The following SYNPR variants were observed in gnomAD, a reference collection of about 807,000 sequenced individuals.
SYNPR encodes synaptoporin.
SYNPR carries 23 observed loss-of-function variants against 32.9 expected under a neutral mutation model. The ratio of observed to expected loss-of-function variants is 0.70; its 90% CI spans 0.50 to 0.99. The LOEUF (loss-of-function observed/expected upper bound fraction) is 0.99, where lower values mean the gene tolerates loss of function less well. SYNPR is among the 50% of genes least tolerant of loss of function. The probability of loss-of-function intolerance (pLI) is 0.00; values close to 1 mark genes in which losing one functional copy is unlikely to be tolerated. For missense variants in SYNPR, 318 were observed against 349.3 expected (o/e 0.91, Z 0.71); for synonymous variants, 146 against 135.9 (o/e 1.07, Z -0.52).
At chr3:63,342,332 T>C (rs1205711705) in intron 2 of SYNPR, among the ~76,000 whole-genome samples, 2 of 152,216 alleles carry the variant, frequency 1.3e-5, no homozygotes, top group Non-Finnish European at 2.9e-5. Context: ...CTGTAATCAT[T>C]ACTGGATTTT....
rs1286861655 is a variant in SYNPR, at chr3:63,335,145, G to C, written c.84+56403G>C. 3.3e-5 allele frequency among the ~76,000 whole-genome samples: 5 copies of C among 152,262 alleles called. No individual in the cohort carries two copies. The East Asian group carries it at 7.8e-4, about 24-fold the overall frequency. ...CGAGGCGGGTGGATCACAAGGTCGG[G>C]AGATCGAGACCATCCTGGCTAACAC... is the stretch of plus-strand genomic sequence containing the variant. On this transcript the variant is annotated intron_variant, in intron 2 of 5. Transcript: ENST00000478300.
At chr3:63,245,187 T>C (rs1298557344) in intron 1 of SYNPR, among the ~76,000 whole-genome samples, 1 of 152,084 alleles carries the variant, frequency 6.6e-6, no homozygotes, top group Non-Finnish European at 1.5e-5. Flanking sequence ...TCTGTTTTCA[T>C]TTGGAGTACA....
At chr3:63,518,894 C>G (rs1173784604) in intron 3 of SYNPR, among the ~76,000 whole-genome samples, 2 of 152,194 alleles carry the variant, frequency 1.3e-5, no homozygotes, top group African/African-American at 4.8e-5. Flanking sequence ...CATCACAGCA[C>G]TATTCAAAAT....
intron 3 of SYNPR, among the ~76,000 whole-genome samples, chr3:63,552,252 C>T (rs947928600): frequency 2.6e-5 from 4 of 152,080 alleles, no homozygotes; most frequent in African/African-American, 7.2e-5. Context: ...AAGTCAATGC[C>T]ACTTTTTTTA....
chr3:63,465,708 A>G (rs955249903), intron 2 of SYNPR, among the ~76,000 whole-genome samples: 3 of 152,146 alleles, frequency 2.0e-5, no homozygotes, highest in East Asian at 1.9e-4. Flanking sequence ...ACAAATTGCT[A>G]TGTATCTCTC....
At chr3:63,272,319 A>C (rs2086544009) in intron 3 of SYNPR, among the ~76,000 whole-genome samples, 1 of 152,166 alleles carries the variant, frequency 6.6e-6, no homozygotes, top group Non-Finnish European at 1.5e-5. Context: ...AGGTCATACA[A>C]CTAGGAAATG....
intron 2 of SYNPR, among the ~76,000 whole-genome samples, chr3:63,428,024 T>C (rs1699923260): frequency 6.6e-6 from 1 of 152,252 alleles, no homozygotes; most frequent in East Asian, 1.9e-4. Flanking sequence ...TGTCTGCTCA[T>C]TTAATTTCCT....
At chr3:63,374,436 G>C (rs1216280000) in intron 2 of SYNPR, among the ~76,000 whole-genome samples, 4 of 152,070 alleles carry the variant, frequency 2.6e-5, no homozygotes, top group African/African-American at 9.7e-5. Flanking sequence ...TATACTTGAG[G>C]GTGGAGTGTG....
At chr3:63,328,766 A>G (rs2087192704) in intron 2 of SYNPR, among the ~76,000 whole-genome samples, 1 of 152,174 alleles carries the variant, frequency 6.6e-6, no homozygotes, top group Non-Finnish European at 1.5e-5. Flanking sequence ...TACTATGGCT[A>G]AATAAACTTG....
At chr3:63,596,960 T>A (rs1417033497) in intron 4 of SYNPR, among the ~76,000 whole-genome samples, 1 of 152,138 alleles carries the variant, frequency 6.6e-6, no homozygotes, top group Non-Finnish European at 1.5e-5. Flanking sequence ...AAAATACACA[T>A]CACGTTTCAA....
chr3:63,328,902 T>A (rs556233743), intron 2 of SYNPR, among the ~76,000 whole-genome samples: 1 of 152,290 alleles, frequency 6.6e-6, no homozygotes, highest in Admixed American at 6.5e-5. Context: ...GACCGCCACA[T>A]CTCCAGCAGT....
At chr3:63,395,172 C>T (rs2107091165) in intron 2 of SYNPR, among the ~76,000 whole-genome samples, 1 of 152,194 alleles carries the variant, frequency 6.6e-6, no homozygotes, top group Admixed American at 6.5e-5. Context: ...CCATGTTTTT[C>T]AGGGAGAAAG....
chr3:63,474,251 T>C (rs1256850617), intron 2 of SYNPR, among the ~76,000 whole-genome samples: 2 of 152,200 alleles, frequency 1.3e-5, no homozygotes, highest in Non-Finnish European at 2.9e-5. Context: ...CCTGGGGACG[T>C]CTACCTTGCT....
intron 2 of SYNPR, among the ~76,000 whole-genome samples, chr3:63,415,144 A>C (rs1308388107): frequency 6.6e-6 from 1 of 152,212 alleles, no homozygotes; most frequent in Non-Finnish European, 1.5e-5. Flanking sequence ...TTTTACTGTT[A>C]TCTATGCTCT....
chr3:63,345,446 C>A (rs1384803633), intron 2 of SYNPR, among the ~76,000 whole-genome samples: 1 of 152,160 alleles, frequency 6.6e-6, no homozygotes, highest in Non-Finnish European at 1.5e-5. Flanking sequence ...TGTCTCCATC[C>A]CTGGGCCTGT....
intron 2 of SYNPR, among the ~76,000 whole-genome samples, chr3:63,469,103 G>A (rs191069373): frequency 6.8e-4 from 104 of 152,128 alleles, no homozygotes; most frequent in African/African-American, 2.3e-3. Context: ...CATGCCAAAT[G>A]TATTGAATTC....
rs942075330 is a variant in SYNPR at position 63,459,743 on chromosome 3, G to A, written c.85-21089G>A. ...ATCAAGTTCAATATTTAGGGGCCCC[G>A]GAAAGGAATATGGGTCCCTAAACTC... On this transcript the variant is annotated intron_variant, in intron 2 of 5. Transcript: ENST00000478300. Among the ~76,000 whole-genome samples the A allele has an allele frequency of 6.6e-5, 10 of 152,020 alleles. No homozygotes were observed. The South Asian group carries it at 8.3e-4, about 13-fold the overall frequency.
intron 2 of SYNPR, among the ~76,000 whole-genome samples, chr3:63,260,093 A>C (rs936593192): frequency 6.6e-6 from 1 of 152,210 alleles, no homozygotes; most frequent in African/African-American, 2.4e-5. Context: ...ATGGAAGAAC[A>C]TTCCATGCTC....
At chr3:63,497,175 A>G (rs116759072) in intron 3 of SYNPR, among the ~76,000 whole-genome samples, 2,697 of 152,260 alleles carry the variant, frequency 0.018, 82 homozygotes, top group African/African-American at 0.061. Flanking sequence ...ATGACAAATC[A>G]CCCAAATTAA....
Sources: allele counts gnomAD v4.1 joint callset (sites outside exome capture counted in the v4.1 genomes callset), GRCh38; gene constraint gnomAD v4.1.1; transcripts MANE v1.5; gene names NCBI Gene and HGNC (gene_info 2026-07-23, HGNC 2026-07-21).